Variants in IQCM observed in about 807,000 individuals in gnomAD.
IQCM encodes IQ motif containing M.
IQCM carries 45 observed loss-of-function variants against 57.6 expected under a neutral mutation model. The ratio of observed to expected loss-of-function variants is 0.78; its 90% CI spans 0.62 to 1.00. IQCM has a LOEUF of 1.00. Among genes scored for constraint, IQCM ranks in the 50% least tolerant of loss-of-function variants. IQCM has a pLI of 0.00. For synonymous variants in IQCM, 148 were observed against 158.9 expected, an observed-to-expected ratio of 0.93 and a Z score of 0.51; for missense variants, 468 against 511.6, an observed-to-expected ratio of 0.91 and a Z score of 0.82.
chr4:149,675,519 A>T (rs1761676723), intron 7 of IQCM, among the ~76,000 whole-genome samples: 1 of 151,968 alleles, frequency 6.6e-6, no homozygotes, highest in Non-Finnish European at 1.5e-5. Context: ...AAGGATTCTG[A>T]GTTTTTGCTG....
At chr4:149,812,497 CACACAG>C (rs1207703651) in intron 2 of IQCM, among the ~76,000 whole-genome samples, 6 of 140,348 alleles carry the variant, frequency 4.3e-5, no homozygotes, top group Admixed American at 2.1e-4. Flanking sequence ...CACACACACA[CACACAG>C]ACACACACAC....
intron 2 of IQCM, among the ~76,000 whole-genome samples, chr4:149,809,903 G>T (rs1398984183): frequency 6.6e-6 from 1 of 152,134 alleles, no homozygotes; most frequent in Non-Finnish European, 1.5e-5. Flanking sequence ...GATATTTTCT[G>T]CTGAAAATAT....
intron 9 of IQCM, among the ~76,000 whole-genome samples, chr4:149,582,361 T>C (rs979803542): frequency 8.1e-5 from 5 of 61,752 alleles, no homozygotes; most frequent in African/African-American, 2.2e-4. Context: ...TATATATATA[T>C]ATATATATTT....
chr4:149,692,392 T>C (rs1210119696), intron 5 of IQCM, among the ~76,000 whole-genome samples: 4 of 152,198 alleles, frequency 2.6e-5, no homozygotes, highest in East Asian at 1.9e-4. Flanking sequence ...AAATGTAGTA[T>C]TGTTAGGACT....
intron 7 of IQCM, among the ~76,000 whole-genome samples, chr4:149,655,574 T>G (rs1252979453): frequency 6.6e-6 from 1 of 152,166 alleles, no homozygotes; most frequent in Non-Finnish European, 1.5e-5. Flanking sequence ...GTATATTTTC[T>G]ATAATATTGT....
At chr4:149,603,231 T>G (rs1481372440) in intron 8 of IQCM, among the ~76,000 whole-genome samples, 1 of 152,136 alleles carries the variant, frequency 6.6e-6, no homozygotes, top group Non-Finnish European at 1.5e-5. Context: ...TGAGTTTTCT[T>G]CAAAATATAA....
intron 5 of IQCM, among the ~76,000 whole-genome samples, chr4:149,689,670 A>G (rs1332901158): frequency 1.3e-5 from 2 of 152,168 alleles, no homozygotes; most frequent in Non-Finnish European, 2.9e-5. Flanking sequence ...AATCTTCACA[A>G]TCTATGCATC....
At chr4:149,569,545 C>T (rs965647801) in intron 9 of IQCM, among the ~76,000 whole-genome samples, 17 of 152,264 alleles carry the variant, frequency 1.1e-4, no homozygotes, top group African/African-American at 3.6e-4. Context: ...ACAAATCAAT[C>T]ATATCATTAG....
chr4:149,436,564 T>C (rs17488863), intron 12 of IQCM, among the ~76,000 whole-genome samples: 1 of 151,876 alleles, frequency 6.6e-6, no homozygotes, highest in Non-Finnish European at 1.5e-5. Context: ...CATAATTGCA[T>C]TGTTAACTAA....
At chr4:149,794,887 C>T (rs1275427854) in intron 2 of IQCM, among the ~76,000 whole-genome samples, 1 of 151,924 alleles carries the variant, frequency 6.6e-6, no homozygotes, top group Admixed American at 6.6e-5. Context: ...AGGCAGGAAA[C>T]TAATAATTAA....
intron 2 of IQCM, among the ~76,000 whole-genome samples, chr4:149,810,305 T>C (rs1354817613): frequency 1.5e-5 from 2 of 135,964 alleles, no homozygotes; most frequent in African/African-American, 5.6e-5. Flanking sequence ...GAGGTTGTGG[T>C]AAGCCATGAT....
At chr4:149,743,935 C>T (rs757846556) in intron 2 of IQCM, among the ~76,000 whole-genome samples, 1 of 152,132 alleles carries the variant, frequency 6.6e-6, no homozygotes, top group Admixed American at 6.6e-5. Flanking sequence ...TCCATGGAGA[C>T]CCTTGTTCTA....
chr4:149,765,582 GC>G (rs143576899), intron 2 of IQCM, among the ~76,000 whole-genome samples: 2,248 of 152,078 alleles, frequency 0.015, 50 homozygotes, highest in African/African-American at 0.051. Flanking sequence ...ACTGAAAACT[GC>G]CCTTGTAAAA....
At position 149,550,712 on chromosome 4, in the gene IQCM, T is replaced by C. The variant is rs1200431052; in HGVS notation, c.1094-2123A>G. Among the ~76,000 whole-genome samples the C allele has an allele frequency of 2.6e-5, 4 of 152,160 alleles. 1 individual carries two copies. The highest frequency in any genetic ancestry group is 4.1e-4 in the South Asian group (2 of 4,832). Reference sequence around the variant, plus strand: ...CATTGAAAGATGCTTAAAAAGTGTATAGGTAACTGCCAAATATCACCCAAT... The same window carrying C: ...CATTGAAAGATGCTTAAAAAGTGTACAGGTAACTGCCAAATATCACCCAAT... On this transcript the variant is annotated intron_variant, in intron 11 of 13. Transcript: ENST00000636793.
chr4:149,423,715 C>T (rs1475504674), intron 13 of IQCM, among the ~76,000 whole-genome samples: 2 of 151,952 alleles, frequency 1.3e-5, no homozygotes, highest in Non-Finnish European at 2.9e-5. Context: ...CCAGTCTAAA[C>T]CAATACATGA....
intron 12 of IQCM, among the ~76,000 whole-genome samples, chr4:149,477,314 G>C (rs917379949): frequency 6.6e-6 from 1 of 152,068 alleles, no homozygotes; most frequent in Admixed American, 6.6e-5. Flanking sequence ...TGACGCTCAG[G>C]CCTTTTCTGA....
chr4:149,353,972 G>T (rs1728747838), intron 13 of IQCM, among the ~76,000 whole-genome samples: 1 of 152,088 alleles, frequency 6.6e-6, no homozygotes, highest in Non-Finnish European at 1.5e-5. Context: ...TGAGATGATG[G>T]CTATGTTGCT....
chr4:149,588,618 C>A (rs1006927220), intron 8 of IQCM, among the ~76,000 whole-genome samples: 2 of 151,480 alleles, frequency 1.3e-5, no homozygotes, highest in African/African-American at 2.4e-5. Flanking sequence ...CTTTATAAGA[C>A]GAGGAAAAGA....
At chr4:149,453,526 TA>T (rs1256906831) in intron 12 of IQCM, among the ~76,000 whole-genome samples, 3 of 151,558 alleles carry the variant, frequency 2.0e-5, no homozygotes, top group African/African-American at 7.3e-5. Context: ...AACTCAACAA[TA>T]AAAAAGACAA....
Sources: gnomAD v4.1 joint callset for allele counts (sites outside exome capture counted in the v4.1 genomes callset) on GRCh38, gnomAD v4.1.1 for gene constraint, MANE v1.5 for transcripts, NCBI Gene and HGNC (gene_info 2026-07-23, HGNC 2026-07-21) for gene names.